Variants in TRAPPC9 observed in about 807,000 individuals in gnomAD.
TRAPPC9 encodes the protein IKK2 binding protein.
In TRAPPC9, 83 loss-of-function variants were observed where a neutral mutation model predicts 124.0. The ratio of observed to expected loss-of-function variants is 0.67; its 90% confidence interval spans 0.56 to 0.80. TRAPPC9 has a LOEUF of 0.80. Among genes scored for constraint, TRAPPC9 ranks in the 30% least tolerant of loss-of-function variants. TRAPPC9 has a pLI of 0.00. For missense variants in TRAPPC9, 1,302 were observed against 1,508.3 expected, an observed-to-expected ratio of 0.86 and a Z score of 2.27; for synonymous variants, 638 against 617.5, an observed-to-expected ratio of 1.03 and a Z score of -0.49.
At chr8:140,114,512 A>G (rs1333554423) in intron 17 of TRAPPC9, among the ~76,000 whole-genome samples, 1 of 152,204 alleles carries the variant, frequency 6.6e-6, no homozygotes, top group Non-Finnish European at 1.5e-5. Context: ...CAGAAAGATG[A>G]CATTAATGTA....
intron 21 of TRAPPC9, among the ~76,000 whole-genome samples, chr8:139,816,681 C>T (rs1824862001): frequency 1.3e-5 from 2 of 152,066 alleles, no homozygotes; most frequent in Admixed American, 1.3e-4. Flanking sequence ...TACAGAGGGT[C>T]ATTTCATTTT....
intron 5 of TRAPPC9, among the ~76,000 whole-genome samples, chr8:140,422,607 A>G (rs1233317528): frequency 6.6e-6 from 1 of 152,032 alleles, no homozygotes; most frequent in Non-Finnish European, 1.5e-5. Flanking sequence ...TACAAAAATT[A>G]GCCGGGCGTG....
chr8:139,808,839 C>T (rs560952861), intron 21 of TRAPPC9, among the ~76,000 whole-genome samples: 1 of 152,182 alleles, frequency 6.6e-6, no homozygotes, highest in Non-Finnish European at 1.5e-5. Context: ...TATGGATATA[C>T]CACATTTTAT....
At chr8:140,160,820 C>A in intron 17 of TRAPPC9, among the ~76,000 whole-genome samples, 1 of 148,512 alleles carries the variant, frequency 6.7e-6, no homozygotes, top group South Asian at 2.1e-4. Context: ...AAAAAGGAAG[C>A]TTGAAGATTC....
intron 17 of TRAPPC9, among the ~76,000 whole-genome samples, chr8:140,053,321 T>C (rs564158582): frequency 6.6e-6 from 1 of 152,350 alleles, no homozygotes; most frequent in South Asian, 2.1e-4. Context: ...GCTGACCCAA[T>C]TGTTGTCCAG....
At chr8:139,805,102 A>C (rs1823950555) in intron 21 of TRAPPC9, among the ~76,000 whole-genome samples, 1 of 152,086 alleles carries the variant, frequency 6.6e-6, no homozygotes, top group Non-Finnish European at 1.5e-5. Context: ...CATGCATCCC[A>C]TTGGGGTTGC....
intron 17 of TRAPPC9, among the ~76,000 whole-genome samples, chr8:140,167,248 G>T (rs994755558): frequency 6.6e-6 from 1 of 152,132 alleles, no homozygotes; most frequent in African/African-American, 2.4e-5. Context: ...AAAGAGCTAA[G>T]GCTCTTGGGA....
rs58789801 is a variant in TRAPPC9, at chr8:139,872,388, G to GTGGATGGGTGGATGGATGGATGGATGGA, written c.3055+13490_3055+13491insTCCATCCATCCATCCATCCACCCATCCA. Among the ~76,000 whole-genome samples the GTGGATGGGTGGATGGATGGATGGATGGA allele has an allele frequency of 1.2e-3, 91 of 74,888 alleles. 5 individuals are homozygous for GTGGATGGGTGGATGGATGGATGGATGGA. The East Asian group carries it at 0.029, about 24-fold the overall frequency. The allele number at this position is 74,888 out of a possible 152,430, so 49.1% of individuals were successfully genotyped here. Reference sequence around the variant, plus strand: ...GATGGGTAAATGGTTGGATAAGTGGGTGGATGGATGGATGGATGGATGGAT... The same window carrying GTGGATGGGTGGATGGATGGATGGATGGA: ...GATGGGTAAATGGTTGGATAAGTGGGTGGATGGGTGGATGGATGGATGGATGGATGGATGGATGGATGGATGGATGGAT... On this transcript the variant is annotated intron_variant, in intron 21 of 22. Coordinates refer to ENST00000438773, the MANE Select transcript of TRAPPC9 (RefSeq NM_001160372.4).
intron 21 of TRAPPC9, among the ~76,000 whole-genome samples, chr8:139,849,788 G>C (rs1827330859): frequency 6.6e-6 from 1 of 152,194 alleles, no homozygotes; most frequent in African/African-American, 2.4e-5. Flanking sequence ...GGATGAGATG[G>C]TCAGGAGGTG....
intron 21 of TRAPPC9, among the ~76,000 whole-genome samples, chr8:139,844,865 C>T (rs892446824): frequency 2.0e-5 from 3 of 152,230 alleles, no homozygotes; most frequent in East Asian, 1.9e-4. Flanking sequence ...CAGCTGGCTG[C>T]GGCAACCTGC....
rs2065406305 is a variant in TRAPPC9 at position 140,283,956 on chromosome 8, T to A, written c.2047A>T (p.Thr683Ser). Residue 683 changes from threonine to serine, a missense_variant, in exon 14 of 23, where the codon ACC becomes TCC. Around this residue, in one of 3 missense-constraint regions of TRAPPC9, gnomAD observed 640 missense variants for 679.3 expected, o/e 0.94. Transcript: ENST00000438773. The stretch of plus-strand genomic sequence containing the variant: ...ATGACTTCCACTGTGGAGCCACTGG[T>A]TTTTATTCCCGGCAGGTTATCCAGC... ...CLLDNLPGIK[T>S]SGSTVEVIPA... 1.2e-6 allele frequency: 2 copies of A among 1,614,104 alleles called. No individual in the cohort carries two copies. Among genetic ancestry groups the A allele is most frequent in the Non-Finnish European group, 1.7e-6 (2 of 1,180,024 alleles).
chr8:140,184,992 T>C (rs1239120822), intron 17 of TRAPPC9, among the ~76,000 whole-genome samples: 1 of 152,172 alleles, frequency 6.6e-6, no homozygotes, highest in Non-Finnish European at 1.5e-5. Context: ...TTTTTATTCT[T>C]AAGTTCATGA....
intron 18 of TRAPPC9, 124 bp downstream of exon 18, chr8:140,023,813 G>A (rs1839957945): frequency 1.4e-6 from 2 of 1,448,172 alleles, no homozygotes; most frequent in Admixed American, 1.7e-5. Flanking sequence ...GAGAGGCTCA[G>A]CAACTTGGCC....
At chr8:140,199,753 A>C (rs2062747686) in intron 17 of TRAPPC9, among the ~76,000 whole-genome samples, 2 of 152,214 alleles carry the variant, frequency 1.3e-5, no homozygotes, top group Admixed American at 1.3e-4. Context: ...AGCTTAAAAA[A>C]ACACTTTTGA....
At chr8:139,834,222 C>G (rs1281470857) in intron 21 of TRAPPC9, among the ~76,000 whole-genome samples, 1 of 152,154 alleles carries the variant, frequency 6.6e-6, no homozygotes, top group Non-Finnish European at 1.5e-5. Flanking sequence ...GTGCCACCTG[C>G]TAGGCTTGGC....
rs944664010 is a variant in TRAPPC9, at chr8:140,106,597, G to C, written c.2557-82518C>G. On this transcript the variant is annotated intron_variant, in intron 17 of 22. Transcript: ENST00000438773. ...GCTGTGTTCTTGGTCGTGGGGGAGC[G>C]AGGGGGCAGTGAGGTAGGACAGGGA... Among the ~76,000 whole-genome samples the C allele has an allele frequency of 7.2e-5, 11 of 152,122 alleles. No homozygotes were observed. The East Asian group carries it at 2.1e-3, about 29-fold the overall frequency.
chr8:139,988,827 C>T lies in TRAPPC9; in HGVS notation c.2709G>A (p.Gln903=), dbSNP rs1563669113. 3 of 1,548,002 alleles carry T rather than the reference C, an allele frequency of 1.9e-6. No individual in the cohort carries two copies. Among genetic ancestry groups the T allele is most frequent in the Non-Finnish European group, 2.6e-6 (3 of 1,143,872 alleles). Residue 903 remains glutamine, a synonymous_variant, in exon 19 of 23, where the codon CAG becomes CAA. Transcript: ENST00000438773. ...VSTLPATSTR[Q]CHLLLDVFNS... is the part of the protein sequence containing the mutation. ...TGAAGACATCCAGGAGCAGGTGACACTGCCGGGTACTGCGTTAAAGAAAAA... is the reference window on the plus strand; with the variant it reads ...TGAAGACATCCAGGAGCAGGTGACATTGCCGGGTACTGCGTTAAAGAAAAA...
Position 140,287,678 on chromosome 8 carries a change from CG to C in TRAPPC9, c.1910del (p.Pro637ArgfsTer9). ...FESLPAALSLPAESGLYPVTL... is the reference protein window; with the variant it reads ...FESLPAALSLXAESGLYPVTL... ...TCACTGGGTACAGACCAGATTCAGCCGGAAGAGAAAGCGCCGCAGGGAGAGA... is the reference window on the plus strand; with the variant it reads ...TCACTGGGTACAGACCAGATTCAGCCGAAGAGAAAGCGCCGCAGGGAGAGA... On this transcript the variant is annotated frameshift_variant, in exon 13 of 23. Coordinates refer to ENST00000438773, the MANE Select transcript of TRAPPC9 (RefSeq NM_001160372.4). LOFTEE classifies it high-confidence loss of function. 2 of 1,614,178 alleles carry C rather than the reference CG, an allele frequency of 1.2e-6. No individual in the cohort carries two copies. Among genetic ancestry groups the C allele is most frequent in the Non-Finnish European group, 1.7e-6 (2 of 1,180,036 alleles).
rs1433425085 is a variant in TRAPPC9, at chr8:139,907,538, A to AG, written c.2964+2608dup. On this transcript the variant is annotated intron_variant, in intron 20 of 22. Coordinates refer to ENST00000438773, the MANE Select transcript of TRAPPC9 (RefSeq NM_001160372.4). This position sits in a 1 kb window ranked among gnomAD's most constrained non-coding sequence, Gnocchi z 4.7. ...AGGGAGAGGAGAGGGAGAAAGAGAAAGGGGGGGAGGAAGGGATGGAGGCAG... is the reference window on the plus strand; with the variant it reads ...AGGGAGAGGAGAGGGAGAAAGAGAAAGGGGGGGGAGGAAGGGATGGAGGCAG... Among the ~76,000 whole-genome samples, 4 of 85,422 alleles carry AG rather than the reference A, an allele frequency of 4.7e-5. No homozygotes were observed. The highest frequency in any genetic ancestry group is 1.4e-4 in the African/African-American group (3 of 21,254). The allele number at this position is 85,422 out of a possible 152,430, so 56.0% of individuals were successfully genotyped here.
Sources: gnomAD v4.1 joint callset for allele counts (sites outside exome capture counted in the v4.1 genomes callset) on GRCh38, gnomAD v4.1.1 for gene constraint, gnomAD v4.1.1 regional missense constraint, Gnocchi (gnomAD v3.1) non-coding constraint, MANE v1.5 for transcripts, NCBI Gene and HGNC (gene_info 2026-07-23, HGNC 2026-07-21) for gene names.